FOXP1: variants seen among roughly 807,000 people sequenced by gnomAD.
The protein encoded by FOXP1 is forkhead box protein P1.
Under a neutral mutation model 98.2 loss-of-function variants are expected in FOXP1, and 15 were observed. The ratio of observed to expected loss-of-function variants is 0.15; its 90% CI spans 0.10 to 0.24. FOXP1 has a LOEUF of 0.24. FOXP1 is among the 10% of genes least tolerant of loss of function. The probability of loss-of-function intolerance (pLI) is 1.00; values close to 1 mark genes in which losing one functional copy is unlikely to be tolerated. For missense variants in FOXP1, 633 were observed against 848.5 expected (o/e 0.75, Z 3.15); for synonymous variants, 371 against 314.5 (o/e 1.18, Z -1.90).
intron 2 of FOXP1, among the ~76,000 whole-genome samples, chr3:71,500,994 C>A (rs1026042107): frequency 6.6e-6 from 1 of 152,098 alleles, no homozygotes; most frequent in Non-Finnish European, 1.5e-5. Context: ...GAATTCAAGA[C>A]CAGCCTGGCC....
intron 9 of FOXP1, among the ~76,000 whole-genome samples, chr3:71,050,158 G>A (rs994516909): frequency 3.3e-5 from 5 of 152,150 alleles, no homozygotes; most frequent in African/African-American, 1.2e-4. Flanking sequence ...CCAAACTCAG[G>A]GACCACTATC....
At chr3:71,277,066 C>G (rs2070984931) in intron 5 of FOXP1, among the ~76,000 whole-genome samples, 1 of 150,790 alleles carries the variant, frequency 6.6e-6, no homozygotes, top group Non-Finnish European at 1.5e-5. Flanking sequence ...TCACGCCATT[C>G]TCCTGCCTCA....
intron 6 of FOXP1, among the ~76,000 whole-genome samples, chr3:71,192,309 C>T (rs537838628): frequency 6.6e-6 from 1 of 152,298 alleles, no homozygotes; most frequent in African/African-American, 2.4e-5. Context: ...TAGATCCATA[C>T]CATATAACCT....
chr3:71,430,933 T>C (rs2084656505), intron 3 of FOXP1, among the ~76,000 whole-genome samples: 2 of 152,048 alleles, frequency 1.3e-5, no homozygotes, highest in African/African-American at 2.4e-5. Flanking sequence ...CCGGGAAATA[T>C]GGCACCTGTA....
chr3:71,449,729 A>G (rs1426485015), intron 3 of FOXP1, among the ~76,000 whole-genome samples: 1 of 152,244 alleles, frequency 6.6e-6, no homozygotes, highest in Non-Finnish European at 1.5e-5. Flanking sequence ...TAAAATGAAT[A>G]GGGGTCACTT....
chr3:71,020,918 C>T (rs561885007), intron 11 of FOXP1, among the ~76,000 whole-genome samples: 14 of 152,226 alleles, frequency 9.2e-5, no homozygotes, highest in East Asian at 3.9e-4. Flanking sequence ...ACCAAAAAAA[C>T]GAAATCCTGC....
intron 3 of FOXP1, among the ~76,000 whole-genome samples, chr3:71,445,823 G>A (rs1038140178): frequency 5.3e-5 from 8 of 151,608 alleles, no homozygotes; most frequent in African/African-American, 1.9e-4. Context: ...AAGTAGCTGC[G>A]GATTACAGGC....
intron 6 of FOXP1, among the ~76,000 whole-genome samples, chr3:71,176,344 CTACT>C (rs1363190045): frequency 2.0e-5 from 3 of 152,160 alleles, no homozygotes; most frequent in Admixed American, 2.0e-4. Context: ...GCAACCACCA[CTACT>C]TACTTGCAAT....
At chr3:71,377,638 A>G (rs1248153767) in intron 3 of FOXP1, among the ~76,000 whole-genome samples, 1 of 152,178 alleles carries the variant, frequency 6.6e-6, no homozygotes, top group Non-Finnish European at 1.5e-5. Context: ...TTTAACAACT[A>G]TACTATCACA....
intron 6 of FOXP1, among the ~76,000 whole-genome samples, chr3:71,190,034 T>C (rs534661446): frequency 6.6e-6 from 1 of 152,216 alleles, no homozygotes; most frequent in African/African-American, 2.4e-5. Flanking sequence ...TGGCCACTCA[T>C]CTCTCCGGGA....
chr3:71,337,746 T>G (rs1332477982), intron 4 of FOXP1, among the ~76,000 whole-genome samples: 1 of 152,166 alleles, frequency 6.6e-6, no homozygotes, highest in Non-Finnish European at 1.5e-5. Context: ...TCAAGGATAA[T>G]GTAGCTGTGA....
intron 3 of FOXP1, among the ~76,000 whole-genome samples, chr3:71,431,650 A>G (rs2084732674): frequency 6.6e-6 from 1 of 152,200 alleles, no homozygotes; most frequent in African/African-American, 2.4e-5. Context: ...ACAACTAAAC[A>G]TATTTCCAAA....
intron 2 of FOXP1, among the ~76,000 whole-genome samples, chr3:71,536,468 C>T (rs2044297363): frequency 6.6e-6 from 1 of 151,960 alleles, no homozygotes; most frequent in Non-Finnish European, 1.5e-5. Context: ...ACAGTCCAAA[C>T]TACTAGGAAT....
At chr3:70,976,047 T>A (rs2037430626) in intron 17 of FOXP1, among the ~76,000 whole-genome samples, 1 of 75,000 alleles carries the variant, frequency 1.3e-5, no homozygotes, top group Non-Finnish European at 2.8e-5. Context: ...AGGGACAATC[T>A]CCTTTTTTTT....
chr3:70,979,321 GA>G (rs1559626359), intron 14 of FOXP1, among the ~76,000 whole-genome samples: 4 of 76,006 alleles, frequency 5.3e-5, no homozygotes, highest in Non-Finnish European at 1.1e-4. Flanking sequence ...AAAAAAAAAA[GA>G]AAAAAATAAA....
At chr3:71,500,158 T>C (rs1222819257) in intron 2 of FOXP1, among the ~76,000 whole-genome samples, 3 of 152,238 alleles carry the variant, frequency 2.0e-5, no homozygotes, top group Admixed American at 6.5e-5. Flanking sequence ...GTAAGGTTTC[T>C]TTCAACTCAC....
At chr3:71,497,332 G>C (rs966373370) in intron 2 of FOXP1, among the ~76,000 whole-genome samples, 1 of 152,160 alleles carries the variant, frequency 6.6e-6, no homozygotes, top group African/African-American at 2.4e-5. Context: ...AGACCAAAAA[G>C]AAACAATTTC....
intron 4 of FOXP1, among the ~76,000 whole-genome samples, chr3:71,331,484 C>G (rs774228912): frequency 6.6e-6 from 1 of 151,954 alleles, no homozygotes; most frequent in Non-Finnish European, 1.5e-5. Context: ...GGAGTGCGGG[C>G]GCACGGCGCG....
In FOXP1 at chr3:70,977,062, A is replaced by G. The variant is rs780420927; in HGVS notation, c.1429-20T>C. The G allele has an allele frequency of 1.3e-6, 2 of 1,523,430 alleles. No homozygotes were observed. The highest frequency in any genetic ancestry group is 1.4e-5 in the African/African-American group (1 of 73,126). 94.4% of individuals were successfully genotyped at this position (1,523,430 alleles called of 1,614,324 possible). A position where few individuals can be genotyped will look rare whatever the true frequency, so the allele number is the denominator to read the frequency against. On this transcript the variant is annotated intron_variant, in intron 16 of 20. Coordinates refer to ENST00000649528, the MANE Select transcript of FOXP1 (RefSeq NM_001349338.3). ...AATGGCCTGTGAAGCAGAATGTAAC[A>G]GAAGATAATTTATGACCAAATCAGC...
Sources: allele counts gnomAD v4.1 joint callset (sites outside exome capture counted in the v4.1 genomes callset), GRCh38; gene constraint gnomAD v4.1.1; transcripts MANE v1.5; gene names NCBI Gene and HGNC (gene_info 2026-07-23, HGNC 2026-07-21).